The following RFC1 variants were observed in gnomAD, a reference collection of about 807,000 sequenced individuals.
The protein encoded by RFC1 is A1 140 kDa subunit.
A neutral mutation model predicts 137.4 loss-of-function variants in RFC1; 37 were observed. The observed-to-expected ratio is 0.27, with a 90% CI of 0.21 to 0.35. The LOEUF is 0.35. RFC1 is among the 10% of genes least tolerant of loss of function. RFC1 has a pLI of 1.00. For missense variants in RFC1, 1,205 were observed against 1,358.5 expected (o/e 0.89, Z 1.78); for synonymous variants, 429 against 455.7 (o/e 0.94, Z 0.75).
intron 1 of RFC1, among the ~76,000 whole-genome samples, chr4:39,362,979 A>G (rs1741833476): frequency 1.3e-5 from 2 of 152,272 alleles, no homozygotes; most frequent in African/African-American, 4.8e-5. Flanking sequence ...AGCATTCCAC[A>G]TAGTAAACCA....
chr4:39,350,027 C>A (rs1741106041), intron 2 of RFC1, among the ~76,000 whole-genome samples: 1 of 151,934 alleles, frequency 6.6e-6, no homozygotes, highest in Non-Finnish European at 1.5e-5. Flanking sequence ...AAAGCAGCTA[C>A]TATAATTACA....
At chr4:39,365,321 C>CCA (rs1741971613) in intron 1 of RFC1, 1 of 333,576 alleles carries the variant, frequency 3.0e-6, no homozygotes, top group Non-Finnish European at 4.3e-6. Flanking sequence ...CACCGCCCCC[C>CCA]CCCAGAATGT....
At chr4:39,320,816 G>A in intron 8 of RFC1, 147 bp from the exon 9 acceptor site, 1 of 650,534 alleles carries the variant, frequency 1.5e-6, no homozygotes, top group Non-Finnish European at 2.4e-6. Context: ...TCTGTTTATA[G>A]TAAATCTATA....
At chr4:39,317,105 A>AT (rs1739277704) in intron 9 of RFC1, 83 bp from the exon 10 acceptor site, 5 of 804,938 alleles carry the variant, frequency 6.2e-6, no homozygotes, top group Non-Finnish European at 1.0e-5. Context: ...AATAAACATT[A>AT]TTTTTATTGT....
intron 4 of RFC1, among the ~76,000 whole-genome samples, chr4:39,334,080 C>G (rs1256902832): frequency 6.6e-6 from 1 of 151,998 alleles, no homozygotes; most frequent in Non-Finnish European, 1.5e-5. Flanking sequence ...AGGACTGGCT[C>G]TCTTGCTTTA....
chr4:39,296,158 C>T (rs905286611), intron 21 of RFC1, among the ~76,000 whole-genome samples: 5 of 151,638 alleles, frequency 3.3e-5, no homozygotes, highest in Non-Finnish European at 5.9e-5. Context: ...CTAATGATTA[C>T]GGTCAATTAA....
chr4:39,315,474 T>C (rs1053143519), intron 10 of RFC1, among the ~76,000 whole-genome samples: 1 of 152,250 alleles, frequency 6.6e-6, no homozygotes, highest in Non-Finnish European at 1.5e-5. Context: ...AATCCCTTCA[T>C]GCCAAGAATG....
At chr4:39,291,884 A>G (rs1737698791) in intron 22 of RFC1, 32 bp from the exon 23 acceptor site, 2 of 1,516,406 alleles carry the variant, frequency 1.3e-6, no homozygotes, top group Non-Finnish European at 1.8e-6. Flanking sequence ...CATAGTCAAC[A>G]GCAAAGTATC....
intron 14 of RFC1, among the ~76,000 whole-genome samples, chr4:39,306,214 G>C (rs2109622242): frequency 6.6e-6 from 1 of 152,296 alleles, no homozygotes; most frequent in South Asian, 2.1e-4. Context: ...TATTTCATTT[G>C]ACACATGTGG....
chr4:39,335,605 C>T (rs559058182), intron 4 of RFC1, among the ~76,000 whole-genome samples: 126 of 152,164 alleles, frequency 8.3e-4, no homozygotes, highest in African/African-American at 2.8e-3. Context: ...ACACAGGTAC[C>T]GAGTCCACTG....
At chr4:39,330,330 A>G (rs1295968234) in intron 4 of RFC1, among the ~76,000 whole-genome samples, 5 of 152,308 alleles carry the variant, frequency 3.3e-5, no homozygotes, top group South Asian at 2.1e-4. Flanking sequence ...GAAACTATAA[A>G]TTTTGCAACA....
rs1473948551 is a variant in RFC1, at chr4:39,299,153, A to G, written c.2808+868T>C. On this transcript the variant is annotated intron_variant, in intron 21 of 24. Coordinates refer to ENST00000349703, the MANE Select transcript of RFC1 (RefSeq NM_002913.5). ...TGTGCCTTAAGAACATGCTCCTGCT[A>G]CAGTTAACTAGCCCAACCTATTCCT... is the stretch of plus-strand genomic sequence containing the variant. Among the ~76,000 whole-genome samples, 6 of 152,376 alleles carry G rather than the reference A, an allele frequency of 3.9e-5. No homozygotes were observed. The South Asian group carries it at 8.3e-4, about 21-fold the overall frequency.
chr4:39,325,377 C>T (rs1320499597), intron 6 of RFC1, among the ~76,000 whole-genome samples: 1 of 152,114 alleles, frequency 6.6e-6, no homozygotes, highest in Non-Finnish European at 1.5e-5. Context: ...GTTGTTAAGG[C>T]CATAACTGAA....
intron 6 of RFC1, among the ~76,000 whole-genome samples, chr4:39,324,151 G>A (rs1390455401): frequency 6.6e-6 from 1 of 151,870 alleles, no homozygotes; most frequent in Non-Finnish European, 1.5e-5. Context: ...GGCCTTACGT[G>A]ATATTCAATA....
chr4:39,335,861 A>G (rs1740323022), intron 4 of RFC1, among the ~76,000 whole-genome samples: 1 of 152,166 alleles, frequency 6.6e-6, no homozygotes, highest in South Asian at 2.1e-4. Flanking sequence ...GTCATTTTGT[A>G]TATTATTTTA....
At chr4:39,340,176 T>A (rs566736654) in intron 4 of RFC1, among the ~76,000 whole-genome samples, 63 of 152,316 alleles carry the variant, frequency 4.1e-4, no homozygotes, top group Non-Finnish European at 6.9e-4. Context: ...ACAGTATACA[T>A]GCTATGCCGC....
chr4:39,362,844 CAGAG>C (rs1344791502), intron 1 of RFC1, among the ~76,000 whole-genome samples: 3 of 152,192 alleles, frequency 2.0e-5, no homozygotes, highest in African/African-American at 7.2e-5. Context: ...ACTCAAAAGA[CAGAG>C]AGAGAAAATC....
chr4:39,357,610 GCTAA>G (rs1326019001), intron 1 of RFC1, among the ~76,000 whole-genome samples: 2 of 151,680 alleles, frequency 1.3e-5, no homozygotes, highest in Non-Finnish European at 2.9e-5. Flanking sequence ...TCATCCAGGA[GCTAA>G]CTTTTTTTTT....
chr4:39,323,042 G>T (rs1049510395), intron 7 of RFC1, among the ~76,000 whole-genome samples: 1 of 152,032 alleles, frequency 6.6e-6, no homozygotes, highest in African/African-American at 2.4e-5. Flanking sequence ...CCCAGATCAG[G>T]CCACTGCACT....
Sources: gnomAD v4.1 joint callset for allele counts (sites outside exome capture counted in the v4.1 genomes callset) on GRCh38, gnomAD v4.1.1 for gene constraint, MANE v1.5 for transcripts, NCBI Gene and HGNC (gene_info 2026-07-23, HGNC 2026-07-21) for gene names.